SCN2A: variants seen among roughly 807,000 people sequenced by gnomAD.
SCN2A encodes the protein sodium channel protein type 2 subunit alpha.
In SCN2A, 20 loss-of-function variants were observed where a neutral mutation model predicts 188.7. The observed-to-expected ratio is 0.11, with a 90% confidence interval of 0.07 to 0.15. The LOEUF (loss-of-function observed/expected upper bound fraction) is 0.15. Among genes scored for constraint, SCN2A ranks in the 10% least tolerant of loss-of-function variants. The pLI is 1.00. For missense variants in SCN2A, 1,278 were observed against 2,445.0 expected (o/e 0.52, Z 10.07); for synonymous variants, 804 against 833.1 (o/e 0.97, Z 0.60).
chr2:165,245,890 T>C (rs1049315659), intron 1 of SCN2A, among the ~76,000 whole-genome samples: 3 of 152,332 alleles, frequency 2.0e-5, no homozygotes, highest in Admixed American at 1.3e-4. Flanking sequence ...ACCTATCAAT[T>C]AGACAAAGGG....
chr2:165,345,165 T>A (rs1007427706), intron 16 of SCN2A, among the ~76,000 whole-genome samples: 5 of 152,200 alleles, frequency 3.3e-5, no homozygotes, highest in Middle Eastern at 3.2e-3. Flanking sequence ...CTGTTATTTA[T>A]CTTTCAGTTC....
chr2:165,376,876 CT>C (rs769977102), intron 22 of SCN2A, among the ~76,000 whole-genome samples: 5 of 152,082 alleles, frequency 3.3e-5, no homozygotes, highest in Admixed American at 6.6e-5. Flanking sequence ...AGTATTAAAT[CT>C]CCACTAGCTC....
intron 16 of SCN2A, among the ~76,000 whole-genome samples, chr2:165,346,055 G>A (rs1435647606): frequency 6.6e-6 from 1 of 152,256 alleles, no homozygotes; most frequent in Admixed American, 6.5e-5. Context: ...CTTCTGGCTT[G>A]TAGGGTTTCT....
intron 14 of SCN2A, among the ~76,000 whole-genome samples, chr2:165,334,316 A>G (rs1031832236): frequency 1.3e-5 from 2 of 151,754 alleles, no homozygotes; most frequent in Non-Finnish European, 3.0e-5. Flanking sequence ...AAAATAATGC[A>G]AGAAAAGAAC....
At chr2:165,269,190 TATTA>T (rs1292437316) in intron 1 of SCN2A, 10 of 152,200 alleles carry the variant, frequency 6.6e-5, no homozygotes, top group South Asian at 2.1e-4. Context: ...GTGAAGGAGA[TATTA>T]ATTAGTTTGA....
chr2:165,290,386 C>T (rs538734844), intron 1 of SCN2A, among the ~76,000 whole-genome samples: 3 of 152,146 alleles, frequency 2.0e-5, no homozygotes, highest in Admixed American at 2.0e-4. Flanking sequence ...TCCTTTGTTC[C>T]ATTTTTTACT....
intron 1 of SCN2A, among the ~76,000 whole-genome samples, chr2:165,258,611 C>A (rs906685678): frequency 1.3e-5 from 2 of 152,158 alleles, no homozygotes; most frequent in Non-Finnish European, 2.9e-5. Flanking sequence ...ATAAATGGTT[C>A]TACCATAAAG....
At chr2:165,344,501 G>A (rs2105318522) in intron 15 of SCN2A, 54 bp from the exon 16 acceptor site, 20 of 1,131,016 alleles carry the variant, frequency 1.8e-5, no homozygotes, top group Non-Finnish European at 2.4e-5. Flanking sequence ...AAATAAAATT[G>A]CAGATTTTTT....
At chr2:165,282,252 G>T (rs353129) in intron 1 of SCN2A, among the ~76,000 whole-genome samples, 13 of 152,064 alleles carry the variant, frequency 8.5e-5, no homozygotes. Flanking sequence ...CAATGCTTTG[G>T]GGGGTTGACC....
At chr2:165,321,255 C>T (rs1239399463) in intron 11 of SCN2A, among the ~76,000 whole-genome samples, 1 of 152,212 alleles carries the variant, frequency 6.6e-6, no homozygotes, top group African/African-American at 2.4e-5. Context: ...ACCACTTTAG[C>T]CTGGACCTTA....
At chr2:165,277,799 A>G (rs554741420) in intron 1 of SCN2A, among the ~76,000 whole-genome samples, 2 of 152,250 alleles carry the variant, frequency 1.3e-5, no homozygotes, top group South Asian at 2.1e-4. Context: ...GACAGAGGCT[A>G]TTTCACCCCC....
At chr2:165,261,060 A>G (rs1694575629) in intron 1 of SCN2A, among the ~76,000 whole-genome samples, 1 of 151,770 alleles carries the variant, frequency 6.6e-6, no homozygotes, top group South Asian at 2.1e-4. Flanking sequence ...TACATTACTT[A>G]TGACACCTAA....
At chr2:165,381,265 T>C (rs1386361119) in intron 25 of SCN2A, 68 bp downstream of exon 25, 4 of 1,120,840 alleles carry the variant, frequency 3.6e-6, no homozygotes, top group Non-Finnish European at 5.3e-6. Flanking sequence ...CCCGAATTTC[T>C]AGAAACTAGT....
chr2:165,296,234 A>G (rs534875975), intron 2 of SCN2A, 144 bp downstream of exon 2: 30 of 784,052 alleles, frequency 3.8e-5, no homozygotes, highest in Middle Eastern at 3.7e-4. Flanking sequence ...CGTGTAATGG[A>G]CCAATGATCC....
intron 16 of SCN2A, among the ~76,000 whole-genome samples, chr2:165,347,504 A>G (rs1227055701): frequency 1.3e-5 from 2 of 152,152 alleles, no homozygotes; most frequent in African/African-American, 4.8e-5. Context: ...TTACGGGTTA[A>G]TGGATGCAGC....
intron 10 of SCN2A, 125 bp downstream of exon 10, chr2:165,314,233 G>A (rs373419267): frequency 1.6e-5 from 15 of 930,422 alleles, no homozygotes; most frequent in Non-Finnish European, 2.5e-5. Context: ...AGTGCTAGGA[G>A]CCTGTTTGGT....
At chr2:165,331,592 T>G (rs377566813) in intron 14 of SCN2A, 24 bp downstream of exon 14, 36 of 1,557,804 alleles carry the variant, frequency 2.3e-5, no homozygotes, top group Non-Finnish European at 2.9e-5. Context: ...AGAGTTTCTC[T>G]TCCTCTTGAA....
At chr2:165,274,680 A>G (rs948559367) in intron 1 of SCN2A, among the ~76,000 whole-genome samples, 9 of 152,228 alleles carry the variant, frequency 5.9e-5, no homozygotes, top group African/African-American at 1.9e-4. Context: ...AGATTTCAAC[A>G]AATATTTCCA....
Position 165,367,220 on chromosome 2 carries a change from G to A in SCN2A, c.3524G>A (p.Cys1175Tyr). The change falls in exon 19 of 27, where the codon TGT becomes TAT. Residue 1175 changes from cysteine (C) to tyrosine (Y), a missense_variant. Cys to Tyr is a radical substitution (Grantham distance 194). This residue lies in a region of SCN2A where 228 missense variants were observed against 297.3 expected (regional missense o/e 0.77). Coordinates refer to ENST00000375437, the MANE Select transcript of SCN2A (RefSeq NM_001040142.2). ...ATTTTTTTCCCACATATTTTAGACT[G>A]TGTACGGAAGTTCAAGTGTTGTCAG... The part of the protein sequence containing the change: ...LEPEACFTED[C>Y]VRKFKCCQIS... 4 of 1,614,024 alleles carry A rather than the reference G, an allele frequency of 2.5e-6. No homozygotes were observed. The highest frequency in any genetic ancestry group is 3.4e-6 in the Non-Finnish European group (4 of 1,179,990).
Sources: gnomAD v4.1 joint callset for allele counts (sites outside exome capture counted in the v4.1 genomes callset) on GRCh38, gnomAD v4.1.1 for gene constraint, gnomAD v4.1.1 regional missense constraint, MANE v1.5 for transcripts, NCBI Gene and HGNC (gene_info 2026-07-23, HGNC 2026-07-21) for gene names.